Variants in DLGAP2 observed in about 807,000 individuals in gnomAD.
The protein encoded by DLGAP2 is DLG associated protein 2.
DLGAP2 carries 26 observed loss-of-function variants against 100.3 expected under a neutral mutation model. The observed-to-expected ratio is 0.26, with a 90% CI of 0.19 to 0.36. The LOEUF (loss-of-function observed/expected upper bound fraction) is 0.36. Ranked by LOEUF, DLGAP2 falls within the 10% of genes least tolerant of loss-of-function variation. DLGAP2 has a pLI of 1.00. For missense variants in DLGAP2, 1,858 were observed against 1,453.2 expected (o/e 1.28, Z -4.53); for synonymous variants, 886 against 630.1 (o/e 1.41, Z -6.08).
chr8:766,235 A>C (rs1226111535), intron 1 of DLGAP2, among the ~76,000 whole-genome samples: 5 of 152,232 alleles, frequency 3.3e-5, no homozygotes, highest in African/African-American at 9.6e-5. Context: ...ACACAGCTGC[A>C]CATACGTGCA....
At chr8:1,494,537 T>C (rs1365879608) in intron 3 of DLGAP2, among the ~76,000 whole-genome samples, 3 of 152,122 alleles carry the variant, frequency 2.0e-5, no homozygotes, top group Non-Finnish European at 4.4e-5. Flanking sequence ...GAGACAAGCC[T>C]GGCCAACATG....
At chr8:1,332,483 G>C (rs1801181628) in intron 3 of DLGAP2, among the ~76,000 whole-genome samples, 1 of 152,160 alleles carries the variant, frequency 6.6e-6, no homozygotes, top group Non-Finnish European at 1.5e-5. Flanking sequence ...GTGTGTGTGA[G>C]CGTAGATACA....
intron 3 of DLGAP2, among the ~76,000 whole-genome samples, chr8:1,436,074 A>G (rs1040296021): frequency 1.3e-5 from 2 of 152,180 alleles, no homozygotes; most frequent in African/African-American, 2.4e-5. Flanking sequence ...GAGGGACAGG[A>G]CTAATAGGAT....
intron 3 of DLGAP2, among the ~76,000 whole-genome samples, chr8:1,328,654 C>T (rs1801078880): frequency 6.6e-6 from 1 of 152,122 alleles, no homozygotes; most frequent in Non-Finnish European, 1.5e-5. Context: ...CCTGGCCTTA[C>T]AGTTAATATT....
intron 3 of DLGAP2, among the ~76,000 whole-genome samples, chr8:1,348,158 G>T (rs201113089): frequency 0.17 from 5,725 of 33,152 alleles, no homozygotes; most frequent in East Asian, 0.39. Flanking sequence ...CAGAGCTACA[G>T]TGCACTCATG....
At chr8:816,264 G>A (rs1278360157) in intron 1 of DLGAP2, among the ~76,000 whole-genome samples, 1 of 127,142 alleles carries the variant, frequency 7.9e-6, no homozygotes, top group African/African-American at 3.0e-5. Flanking sequence ...TTTGTTTCCT[G>A]AATACCTTGG....
At chr8:1,498,894 C>G (rs1292983507) in intron 3 of DLGAP2, among the ~76,000 whole-genome samples, 1 of 152,198 alleles carries the variant, frequency 6.6e-6, no homozygotes. Context: ...CTGCATTAAG[C>G]TCTCCCAGCT....
intron 2 of DLGAP2, among the ~76,000 whole-genome samples, chr8:1,257,267 C>A (rs945681034): frequency 6.6e-6 from 1 of 152,204 alleles, no homozygotes; most frequent in South Asian, 2.1e-4. Flanking sequence ...GTCCCCGCCC[C>A]GCCCAGCCAC....
chr8:1,077,333 C>T (rs1803653844), intron 2 of DLGAP2, among the ~76,000 whole-genome samples: 1 of 152,198 alleles, frequency 6.6e-6, no homozygotes, highest in Admixed American at 6.5e-5. Flanking sequence ...CCCTGCAGGG[C>T]ACAGTTCTAC....
intron 8 of DLGAP2, among the ~76,000 whole-genome samples, chr8:1,656,605 C>CA (rs1333704535): frequency 6.6e-6 from 1 of 152,162 alleles, no homozygotes; most frequent in Non-Finnish European, 1.5e-5. Context: ...TGAGGAAAGT[C>CA]AGTTTTTACA....
At chr8:1,328,988 T>G (rs1176541483) in intron 3 of DLGAP2, among the ~76,000 whole-genome samples, 1 of 152,256 alleles carries the variant, frequency 6.6e-6, no homozygotes, top group Non-Finnish European at 1.5e-5. Context: ...GAAGGCACTT[T>G]TCAGCCTTAG....
In DLGAP2 at chr8:1,343,460, T is replaced by G. The variant is rs183858960; in HGVS notation, c.106+84577T>G. Among the ~76,000 whole-genome samples, 310 of 152,262 alleles carry G rather than the reference T, an allele frequency of 2.0e-3. 1 individual carries two copies. The highest frequency in any genetic ancestry group is 0.01 in the Middle Eastern group (3 of 294). Reference sequence around the variant, plus strand: ...GCCCAAGTGACTGAGCCTAGATGCCTGGTCTCCAGCTCCCTCAGAGGGAAA... The same window carrying G: ...GCCCAAGTGACTGAGCCTAGATGCCGGGTCTCCAGCTCCCTCAGAGGGAAA... On this transcript the variant is annotated intron_variant, in intron 3 of 14. Coordinates refer to ENST00000637795, the MANE Select transcript of DLGAP2 (RefSeq NM_001346810.2).
chr8:1,600,403 A>G (rs1409859930), intron 6 of DLGAP2, among the ~76,000 whole-genome samples: 1 of 151,968 alleles, frequency 6.6e-6, no homozygotes, highest in African/African-American at 2.4e-5. Context: ...TATTTCCTGA[A>G]TTTGATTGTT....
In DLGAP2 at chr8:876,388, G is replaced by C. The variant is rs145213219; in HGVS notation, c.19-31524G>C. Among the ~76,000 whole-genome samples, 146 of 152,198 alleles carry C rather than the reference G, an allele frequency of 9.6e-4. 2 individuals carry two copies. The highest frequency in any genetic ancestry group is 3.5e-3 in the African/African-American group (145 of 41,542). ...ATTTTGTCTTCATTTTTGAAGAATA[G>C]GTTTTCTGGATACAGCATTCGTGAT... On this transcript the variant is annotated intron_variant, in intron 1 of 14. Coordinates refer to ENST00000637795, the MANE Select transcript of DLGAP2 (RefSeq NM_001346810.2).
intron 6 of DLGAP2, among the ~76,000 whole-genome samples, chr8:1,571,695 T>C (rs1274532991): frequency 5.8e-5 from 5 of 85,550 alleles, no homozygotes; most frequent in East Asian, 7.9e-4. Flanking sequence ...TCTTCTGGGA[T>C]GGAGAGGAGA....
chr8:915,842 G>T (rs542808981), intron 2 of DLGAP2, among the ~76,000 whole-genome samples: 1 of 144,910 alleles, frequency 6.9e-6, no homozygotes, highest in African/African-American at 2.6e-5. Context: ...TCTTTTTTGT[G>T]TCCGTCCATC....
chr8:1,350,729 G>T (rs1801699044), intron 3 of DLGAP2, among the ~76,000 whole-genome samples: 1 of 93,322 alleles, frequency 1.1e-5, no homozygotes, highest in Non-Finnish European at 2.2e-5. Context: ...AAGGCCGTGC[G>T]GGTCCTGAGT....
At chr8:1,184,156 CTT>C (rs1563237535) in intron 2 of DLGAP2, among the ~76,000 whole-genome samples, 1 of 152,222 alleles carries the variant, frequency 6.6e-6, no homozygotes, top group African/African-American at 2.4e-5. Flanking sequence ...ACAGCGGTCT[CTT>C]TTATGCAACC....
rs1490637466 is a variant in DLGAP2, at chr8:1,549,652, A to C, written c.1199A>C (p.Lys400Thr). 1 of 1,570,978 alleles carries C rather than the reference A, an allele frequency of 6.4e-7. No individual in the cohort carries two copies. The highest frequency in any genetic ancestry group is 1.9e-5 in the Admixed American group (1 of 54,014). Reference sequence around the variant, plus strand: ...AAGCCGCTGCTGCACCAGGACGCCAAGCCCGCCCTGAGGCCGTGCCACTAC... The same window carrying C: ...AAGCCGCTGCTGCACCAGGACGCCACGCCCGCCCTGAGGCCGTGCCACTAC... ...LDKPLLHQDAKPALRPCHYLQ... is the reference protein window; with the variant it reads ...LDKPLLHQDATPALRPCHYLQ... The change falls in exon 5 of 15, where the codon AAG becomes ACG. Residue 400 changes from lysine to threonine, a missense_variant. Lys to Thr is a moderately conservative substitution (Grantham distance 78, BLOSUM62 -1). Transcript: ENST00000637795.
Sources: allele counts gnomAD v4.1 joint callset (sites outside exome capture counted in the v4.1 genomes callset), GRCh38; gene constraint gnomAD v4.1.1; transcripts MANE v1.5; gene names NCBI Gene and HGNC (gene_info 2026-07-23, HGNC 2026-07-21).